The following PIEZO2 variants were observed in gnomAD, a reference collection of about 807,000 sequenced individuals.
PIEZO2 encodes the protein piezo type mechanosensitive ion channel component 2.
A neutral mutation model predicts 337.3 loss-of-function variants in PIEZO2; 172 were observed. The observed-to-expected ratio is 0.51, with a 90% CI of 0.45 to 0.58. The LOEUF (loss-of-function observed/expected upper bound fraction) is 0.58. Ranked by LOEUF, PIEZO2 falls within the 20% of genes least tolerant of loss-of-function variation. The probability of loss-of-function intolerance (pLI) is 0.00; values close to 1 mark genes in which losing one functional copy is unlikely to be tolerated. For synonymous variants in PIEZO2, 1,251 were observed against 1,228.5 expected, an observed-to-expected ratio of 1.02 and a Z score of -0.38; for missense variants, 3,028 against 3,391.3, an observed-to-expected ratio of 0.89 and a Z score of 2.66.
chr18:10,838,706 A>T (rs1398696263), intron 7 of PIEZO2, among the ~76,000 whole-genome samples: 1 of 152,200 alleles, frequency 6.6e-6, no homozygotes, highest in Admixed American at 6.5e-5. Flanking sequence ...GGGAATGTTT[A>T]TATTCTATGA....
chr18:10,706,441 A>C (rs1392239452), intron 40 of PIEZO2, among the ~76,000 whole-genome samples: 1 of 151,376 alleles, frequency 6.6e-6, no homozygotes, highest in East Asian at 1.9e-4. Context: ...GACTCCAGCC[A>C]CTCTCTTCCC....
intron 1 of PIEZO2, among the ~76,000 whole-genome samples, chr18:11,137,132 G>A (rs1207288048): frequency 6.6e-6 from 1 of 152,194 alleles, no homozygotes; most frequent in East Asian, 1.9e-4. Flanking sequence ...AGGAGCAGGT[G>A]AGGGAGGATC....
chr18:10,759,539 T>C lies in PIEZO2; in HGVS notation c.3700A>G (p.Ile1234Val), dbSNP rs2038031339. 1 of 1,537,174 alleles carries C rather than the reference T, an allele frequency of 6.5e-7. No homozygotes were observed. Residue 1234 changes from isoleucine to valine, a missense_variant, in exon 26 of 56, where the codon ATA becomes GTA. Physicochemically the swap from Ile to Val is conservative, Grantham distance 29. Transcript: ENST00000674853. This position sits in a 1 kb window ranked among gnomAD's most constrained non-coding sequence, Gnocchi z 5.5. Reference protein sequence around the residue: ...FKGASFNDNIIKWLYFPDFIV... With the variant: ...FKGASFNDNIVKWLYFPDFIV... ...AAATCTGGGAAGTACAGCCACTTTA[T>C]GATGTTGTCATTGAAGCTGGCACCC...
rs9947692 is a variant in PIEZO2 at position 10,761,385 on chromosome 18, C to T, written c.3250-274G>A. Among the ~76,000 whole-genome samples, 5,826 of 152,242 alleles carry T rather than the reference C, an allele frequency of 0.038. 335 individuals are homozygous for T. The highest frequency in any genetic ancestry group is 0.12 in the African/African-American group (5,076 of 41,514). The stretch of plus-strand genomic sequence containing the variant: ...CTACTTCTCACAACTACACATCTCA[C>T]ACCAAGGAAGCAATTTCCAGTTATC... On this transcript the variant is annotated intron_variant, in intron 23 of 55. Coordinates refer to ENST00000674853, the MANE Select transcript of PIEZO2 (RefSeq NM_001378183.1).
At chr18:11,045,320 A>AAAAAAG (rs1491014853) in intron 2 of PIEZO2, among the ~76,000 whole-genome samples, 32 of 148,568 alleles carry the variant, frequency 2.2e-4, no homozygotes, top group African/African-American at 7.5e-4. Flanking sequence ...AAAAAAAAAA[A>AAAAAAG]AGAGAAAACC....
At chr18:10,908,418 A>G (rs915342748) in intron 4 of PIEZO2, 5 of 152,238 alleles carry the variant, frequency 3.3e-5, no homozygotes, top group African/African-American at 1.2e-4. Context: ...AAAGATCGAT[A>G]GCTTTTAAGA....
intron 2 of PIEZO2, among the ~76,000 whole-genome samples, chr18:11,063,651 T>C (rs1026101962): frequency 2.0e-5 from 3 of 152,202 alleles, no homozygotes; most frequent in Non-Finnish European, 4.4e-5. Flanking sequence ...GGGTCTGCAT[T>C]AGCACATCCT....
chr18:10,992,000 A>AT (rs765838577), intron 2 of PIEZO2, among the ~76,000 whole-genome samples: 2 of 152,042 alleles, frequency 1.3e-5, no homozygotes, highest in Non-Finnish European at 2.9e-5. Flanking sequence ...GCTTTTTTTC[A>AT]TATGTTCATT....
At chr18:10,844,637 A>C (rs1018723020) in intron 7 of PIEZO2, among the ~76,000 whole-genome samples, 10 of 151,544 alleles carry the variant, frequency 6.6e-5, no homozygotes, top group Admixed American at 5.9e-4. Flanking sequence ...AAAATACAAA[A>C]AAATAGCTAG....
In PIEZO2 at chr18:11,111,762, G is replaced by A. The variant is rs186571433; in HGVS notation, c.64+36763C>T. ...AGCCAGGCACCAGTCTGCACCGAAA[G>A]CGTGCACAGTAGAAACCTGGCTCCT... On this transcript the variant is annotated intron_variant, in intron 1 of 55. Coordinates refer to ENST00000674853, the MANE Select transcript of PIEZO2 (RefSeq NM_001378183.1). This position sits in a 1 kb window ranked among gnomAD's most constrained non-coding sequence, Gnocchi z 6.2. Among the ~76,000 whole-genome samples the A allele has an allele frequency of 2.6e-5, 4 of 152,348 alleles. No individual in the cohort carries two copies. Among genetic ancestry groups the A allele is most frequent in the Non-Finnish European group, 5.9e-5 (4 of 68,036 alleles).
intron 1 of PIEZO2, among the ~76,000 whole-genome samples, chr18:11,100,469 C>A (rs1298437803): frequency 1.3e-5 from 2 of 152,208 alleles, no homozygotes; most frequent in African/African-American, 4.8e-5. Flanking sequence ...ACAGTAAATA[C>A]CAAGGGCACC....
At chr18:10,947,558 T>C (rs1254049207) in intron 3 of PIEZO2, among the ~76,000 whole-genome samples, 1 of 152,160 alleles carries the variant, frequency 6.6e-6, no homozygotes, top group Non-Finnish European at 1.5e-5. Flanking sequence ...CAGCAGAGTC[T>C]CTCAGAAGAA....
At position 10,784,786 on chromosome 18, in the gene PIEZO2, G is replaced by C; in HGVS notation, c.2490C>G (p.Tyr830Ter). ...CTGTGTTTCTTCCAGTGGCTCACCT[G>C]TAGATGGTGTTGTCTTCTTTGCTGG... ...SIPSKEDNTIYSHAKVNGRVY... is the reference protein window; with the variant it reads ...SIPSKEDNTI Residue 830 changes from tyrosine to a stop codon, truncating the protein, a stop_gained and splice_region_variant, in exon 17 of 56, where the codon TAC (tyrosine) becomes TAG (stop). Coordinates refer to ENST00000674853, the MANE Select transcript of PIEZO2 (RefSeq NM_001378183.1). LOFTEE classifies it high-confidence loss of function. This position sits in a 1 kb window ranked among gnomAD's most constrained non-coding sequence, Gnocchi z 4.5. The C allele has an allele frequency of 6.5e-7, 1 of 1,535,692 alleles. No homozygotes were observed. The highest frequency in any genetic ancestry group is 8.7e-7 in the Non-Finnish European group (1 of 1,145,790).
Position 11,135,541 on chromosome 18 carries a change from AGATTGATTGATT to A in PIEZO2, c.64+12972_64+12983del, listed in dbSNP as rs200521691. ...AACATTACAGTTTGGTTCACGTTGC[AGATTGATTGATT>A]GATTGATTGATTTAGATGGAGTCTA... On this transcript the variant is annotated intron_variant, in intron 1 of 55. Coordinates refer to ENST00000674853, the MANE Select transcript of PIEZO2 (RefSeq NM_001378183.1). Among the ~76,000 whole-genome samples, 4 of 152,280 alleles carry A rather than the reference AGATTGATTGATT, an allele frequency of 2.6e-5. No homozygotes were observed. The East Asian group carries it at 7.7e-4, about 29-fold the overall frequency.
In PIEZO2 at chr18:10,894,354, T is replaced by A. The variant is rs1346306408; in HGVS notation, c.329+16832A>T. 2.0e-5 allele frequency among the ~76,000 whole-genome samples: 3 copies of A among 152,026 alleles called. No individual in the cohort carries two copies. The highest frequency in any genetic ancestry group is 4.4e-5 in the Non-Finnish European group (3 of 68,004). On this transcript the variant is annotated intron_variant, in intron 4 of 55. Coordinates refer to ENST00000674853, the MANE Select transcript of PIEZO2 (RefSeq NM_001378183.1). The surrounding 1 kb of genome is among the most constrained non-coding windows in gnomAD (Gnocchi z 4.1). ...CTGTAATCCCAACTACTTGGGAGGC[T>A]GAGGCAGGAAAATCGCTTGAATTCG...
intron 36 of PIEZO2, among the ~76,000 whole-genome samples, chr18:10,730,138 TATG>T (rs1467627874): frequency 1.3e-5 from 2 of 152,232 alleles, no homozygotes; most frequent in African/African-American, 2.4e-5. Context: ...TGATCTGTAC[TATG>T]ATATGTAACA....
chr18:10,875,850 G>A (rs2144815249), intron 4 of PIEZO2, among the ~76,000 whole-genome samples: 1 of 152,264 alleles, frequency 6.6e-6, no homozygotes, highest in Middle Eastern at 3.4e-3. Flanking sequence ...CATATATTAA[G>A]GGAATAAATG....
At chr18:10,866,210 T>G (rs1166946333) in intron 5 of PIEZO2, among the ~76,000 whole-genome samples, 1 of 152,214 alleles carries the variant, frequency 6.6e-6, no homozygotes, top group African/African-American at 2.4e-5. Flanking sequence ...TAAATCATTT[T>G]TATTATGAGT....
chr18:11,061,468 T>A (rs192704852), intron 2 of PIEZO2, among the ~76,000 whole-genome samples: 2 of 150,758 alleles, frequency 1.3e-5, no homozygotes, highest in East Asian at 3.9e-4. Context: ...GTCAAATTGT[T>A]CCTGTTTGCA....
Sources: gnomAD v4.1 joint callset for allele counts (sites outside exome capture counted in the v4.1 genomes callset) on GRCh38, gnomAD v4.1.1 for gene constraint, Gnocchi (gnomAD v3.1) non-coding constraint, MANE v1.5 for transcripts, NCBI Gene and HGNC (gene_info 2026-07-23, HGNC 2026-07-21) for gene names.